Variants in DAP observed in about 807,000 individuals in gnomAD.
DAP encodes death-associated protein 1.
DAP carries 8 observed loss-of-function variants against 13.8 expected under a neutral mutation model. The ratio of observed to expected loss-of-function variants is 0.58; its 90% CI spans 0.34 to 1.05. DAP has a LOEUF of 1.05. DAP is among the 50% of genes least tolerant of loss of function. The probability of loss-of-function intolerance (pLI) is 0.03; values close to 1 mark genes in which losing one functional copy is unlikely to be tolerated. For synonymous variants in DAP, 47 were observed against 47.5 expected, an observed-to-expected ratio of 0.99 and a Z score of 0.04; for missense variants, 106 against 133.2, an observed-to-expected ratio of 0.80 and a Z score of 1.01.
rs559861448 is a variant in DAP, at chr5:10,748,072, T to C, written c.152+103A>G. 1.8e-5 allele frequency: 15 copies of C among 833,618 alleles called. No homozygotes were observed. In the African/African-American group the frequency reaches 2.2e-4, roughly 12 times the overall value. The allele number at this position is 833,618 out of a possible 1,614,324, so 51.6% of individuals were successfully genotyped here. On this transcript the variant is annotated intron_variant, in intron 2 of 3. Coordinates refer to ENST00000230895, the MANE Select transcript of DAP (RefSeq NM_004394.3). ...AAAATACACAGAACAGGGCCCCACA[T>C]AGCCCAGGAGTTATCAGAATCATAG...
chr5:10,704,342 C>A (rs1028054066), intron 2 of DAP, among the ~76,000 whole-genome samples: 63 of 152,156 alleles, frequency 4.1e-4, no homozygotes, highest in African/African-American at 1.5e-3. Flanking sequence ...TTTTTGCCAC[C>A]ATGAGTTTCA....
chr5:10,746,167 A>G (rs1739899179), intron 2 of DAP, among the ~76,000 whole-genome samples: 1 of 152,198 alleles, frequency 6.6e-6, no homozygotes, highest in Non-Finnish European at 1.5e-5. Flanking sequence ...TAAAAGCAGT[A>G]ATATCCTCCT....
chr5:10,748,093 CAT>C, intron 2 of DAP, 80 bp downstream of exon 2: 1 of 1,003,162 alleles, frequency 1.0e-6, no homozygotes, highest in Non-Finnish European at 1.6e-6. Flanking sequence ...TTATCAGAAT[CAT>C]AGAACAGAGA....
intron 2 of DAP, among the ~76,000 whole-genome samples, chr5:10,720,105 A>T (rs1239098675): frequency 6.6e-6 from 1 of 152,182 alleles, no homozygotes; most frequent in Non-Finnish European, 1.5e-5. Context: ...GGTCATTCCA[A>T]GCGGTCTGAT....
chr5:10,680,883 T>C lies in DAP; in HGVS notation c.*173A>G. On this transcript the variant is annotated 3_prime_UTR_variant, in exon 4 of 4. Coordinates refer to ENST00000230895, the MANE Select transcript of DAP (RefSeq NM_004394.3). ...GACTCCCCATAAACAAGGTTTGGGC[T>C]GGAGCTGTTTCTAGTTTTAAATATG... The C allele has an allele frequency of 6.5e-7, 1 of 1,537,102 alleles. No homozygotes were observed. The highest frequency in any genetic ancestry group is 8.7e-7 in the Non-Finnish European group (1 of 1,147,010).
rs1264459430 is a variant in DAP at position 10,761,119 on chromosome 5, G to T, written c.-51C>A. 5 of 1,094,066 alleles carry T rather than the reference G, an allele frequency of 4.6e-6. No individual in the cohort carries two copies. Among genetic ancestry groups the T allele is most frequent in the East Asian group, 3.9e-5 (1 of 25,754 alleles). The allele number at this position is 1,094,066 out of a possible 1,614,324, so 67.8% of individuals were successfully genotyped here. Reference sequence around the variant, plus strand: ...GAGGCGGCGGCGCGGTTCTCGGGCCGGGCGGGCGTGCGCGAGTGAGCTCAG... The same window carrying T: ...GAGGCGGCGGCGCGGTTCTCGGGCCTGGCGGGCGTGCGCGAGTGAGCTCAG... On this transcript the variant is annotated 5_prime_UTR_variant, in exon 1 of 4. Transcript: ENST00000230895.
At chr5:10,715,941 AT>A (rs1738975528) in intron 2 of DAP, among the ~76,000 whole-genome samples, 1 of 152,256 alleles carries the variant, frequency 6.6e-6, no homozygotes, top group Non-Finnish European at 1.5e-5. Context: ...CCATGCCTAG[AT>A]TTAGCAGAGA....
chr5:10,747,587 C>T (rs1739937759), intron 2 of DAP, among the ~76,000 whole-genome samples: 5 of 152,228 alleles, frequency 3.3e-5, no homozygotes, highest in Admixed American at 3.3e-4. Context: ...CGGCAATTCT[C>T]AAGGGTCTCC....
chr5:10,742,257 G>A (rs1407491947), intron 2 of DAP, among the ~76,000 whole-genome samples: 3 of 152,104 alleles, frequency 2.0e-5, no homozygotes, highest in South Asian at 2.1e-4. Flanking sequence ...ACTATCGGCC[G>A]GGTGCGGTGG....
intron 2 of DAP, among the ~76,000 whole-genome samples, chr5:10,747,919 C>G (rs1739949101): frequency 0.033 from 1 of 30 alleles, no homozygotes; most frequent in African/African-American, 0.25. Flanking sequence ...AGACGGGGCA[C>G]CAGCCCCTGG....
chr5:10,743,879 C>G (rs909617310), intron 2 of DAP, among the ~76,000 whole-genome samples: 3 of 152,194 alleles, frequency 2.0e-5, no homozygotes, highest in African/African-American at 7.2e-5. Flanking sequence ...TCTTTGGCAG[C>G]ATTTTCACAT....
intron 2 of DAP, among the ~76,000 whole-genome samples, chr5:10,728,201 T>C (rs1353398809): frequency 6.6e-6 from 1 of 152,232 alleles, no homozygotes; most frequent in Non-Finnish European, 1.5e-5. Context: ...TTTGTATTTA[T>C]TTACTAATAT....
At chr5:10,683,400 T>C (rs557311012) in intron 3 of DAP, 129 bp downstream of exon 3, 46 of 934,640 alleles carry the variant, frequency 4.9e-5, no homozygotes, top group Middle Eastern at 5.5e-4. Flanking sequence ...AAGAGAGCCA[T>C]GGCCACAGAG....
chr5:10,754,775 T>A (rs1218273672), intron 1 of DAP, among the ~76,000 whole-genome samples: 1 of 152,126 alleles, frequency 6.6e-6, no homozygotes, highest in Non-Finnish European at 1.5e-5. Context: ...TCATTGGGAA[T>A]TGGTTGAGGC....
At chr5:10,714,892 G>A (rs965618628) in intron 2 of DAP, among the ~76,000 whole-genome samples, 1 of 152,132 alleles carries the variant, frequency 6.6e-6, no homozygotes, top group African/African-American at 2.4e-5. Flanking sequence ...CTGATTGGAA[G>A]CTCCCTGAGG....
chr5:10,748,881 C>T (rs191119073), intron 1 of DAP, among the ~76,000 whole-genome samples: 191 of 152,256 alleles, frequency 1.3e-3, no homozygotes, highest in Admixed American at 2.2e-3. Context: ...CTGTATAATT[C>T]GATGGTTTTG....
rs5745239 is a variant in DAP at position 10,710,727 on chromosome 5, G to A, written c.153-27156C>T. Among the ~76,000 whole-genome samples the A allele has an allele frequency of 1.9e-4, 29 of 152,324 alleles. No individual in the cohort carries two copies. The East Asian group carries it at 5.0e-3, about 26-fold the overall frequency. ...GTGACAGGGCAAGCAGGCTGGGAGT[G>A]TCCTTCAGCCCTGCACCTGTGCCTG... On this transcript the variant is annotated intron_variant, in intron 2 of 3. Transcript: ENST00000230895.
intron 2 of DAP, among the ~76,000 whole-genome samples, chr5:10,692,233 CTT>C (rs56245246): frequency 0.4 from 61,152 of 151,954 alleles, 13,760 homozygotes; most frequent in East Asian, 0.74. Flanking sequence ...ATTGAGAAGA[CTT>C]TTAACATTCT....
chr5:10,717,447 C>A (rs1445016310), intron 2 of DAP, among the ~76,000 whole-genome samples: 1 of 152,202 alleles, frequency 6.6e-6, no homozygotes, highest in Non-Finnish European at 1.5e-5. Context: ...CCTGATGAAG[C>A]TGGGCACACT....
Sources: gnomAD v4.1 joint callset for allele counts (sites outside exome capture counted in the v4.1 genomes callset) on GRCh38, gnomAD v4.1.1 for gene constraint, MANE v1.5 for transcripts, NCBI Gene and HGNC (gene_info 2026-07-23, HGNC 2026-07-21) for gene names.